DCHS2: variants seen among roughly 807,000 people sequenced by gnomAD.
DCHS2 encodes the protein dachsous cadherin-related 2.
Under a neutral mutation model 182.4 loss-of-function variants are expected in DCHS2, and 142 were observed. The observed-to-expected ratio is 0.78, with a 90% confidence interval of 0.68 to 0.89. The LOEUF (loss-of-function observed/expected upper bound fraction) is 0.89, where lower values mean the gene tolerates loss of function less well. Among genes scored for constraint, DCHS2 ranks in the 40% least tolerant of loss-of-function variants. The pLI, the probability that DCHS2 is intolerant of heterozygous loss-of-function variation, is 0.00. For missense variants in DCHS2, 4,319 were observed against 4,198.6 expected (o/e 1.03, Z -0.79); for synonymous variants, 1,740 against 1,663.3 (o/e 1.05, Z -1.12).
In DCHS2 at chr4:154,333,030, C is replaced by T. The variant is rs200145926; in HGVS notation, c.3178G>A (p.Val1060Met). The change falls in exon 5 of 20, where the codon GTG becomes ATG. Residue 1060 changes from valine to methionine, a missense_variant. Transcript: ENST00000357232. Reference sequence around the variant, plus strand: ...ACCAGCAGGGCTGCCTGAGGATGCACGCCTTGGTCCTCGGCCCTGAGAGTC... The same window carrying T: ...ACCAGCAGGGCTGCCTGAGGATGCATGCCTTGGTCCTCGGCCCTGAGAGTC... ...TLTLRAEDQGVHPQAALLVLT... is the reference protein window; with the variant it reads ...TLTLRAEDQGMHPQAALLVLT... 1 of 1,614,134 alleles carries T rather than the reference C, an allele frequency of 6.2e-7. No individual in the cohort carries two copies. Among genetic ancestry groups the T allele is most frequent in the Non-Finnish European group, 8.5e-7 (1 of 1,179,994 alleles).
chr4:154,489,757 A>T lies in DCHS2; in HGVS notation c.1599T>A (p.Asn533Lys). The T allele has an allele frequency of 6.4e-7, 1 of 1,551,474 alleles. No homozygotes were observed. Among genetic ancestry groups the T allele is most frequent in the Non-Finnish European group, 8.7e-7 (1 of 1,146,906 alleles). The change falls in exon 1 of 20, where the codon AAT (asparagine) becomes AAA (lysine). Residue 533 changes from asparagine to lysine, a missense_variant. Asn to Lys is a moderately conservative substitution (Grantham distance 94). Coordinates refer to ENST00000357232, the MANE Select transcript of DCHS2 (RefSeq NM_001358235.2). ...GTTGGCTGAAGAGAGGTGGTTGGTC[A>T]TTGAGGTCAGCGACCCGGAGTAGCA... is the stretch of plus-strand genomic sequence containing the variant. The part of the protein sequence containing the change: ...ETLLLRVADL[N>K]DQPPLFSQQH...
intron 7 of DCHS2, 59 bp from the exon 8 acceptor site, chr4:154,322,547 T>A: frequency 6.6e-7 from 1 of 1,521,616 alleles, no homozygotes; most frequent in South Asian, 1.3e-5. Context: ...AAACAGAAAA[T>A]CAATTAATCC....
At position 154,380,665 on chromosome 4, in the gene DCHS2, C is replaced by G. The variant is rs76878702; in HGVS notation, c.2053-3221G>C. On this transcript the variant is annotated intron_variant, in intron 1 of 19. Coordinates refer to ENST00000357232, the MANE Select transcript of DCHS2 (RefSeq NM_001358235.2). The stretch of plus-strand genomic sequence containing the variant: ...TTTGGCAAAGCAAAATGTAAGGAGA[C>G]AAAAGTAGGATAAAAGTATTGATCT... Among the ~76,000 whole-genome samples the G allele has an allele frequency of 1.5e-3, 221 of 152,168 alleles. 6 individuals are homozygous for G. In the East Asian group the frequency reaches 0.033, roughly 23 times the overall value.
intron 13 of DCHS2, among the ~76,000 whole-genome samples, chr4:154,270,529 G>A (rs1345790396): frequency 6.6e-6 from 1 of 151,858 alleles, no homozygotes; most frequent in Non-Finnish European, 1.5e-5. Context: ...AGGTGGAGAT[G>A]GCAGGATAAG....
chr4:154,448,923 A>G (rs1202646897), intron 1 of DCHS2, among the ~76,000 whole-genome samples: 2 of 152,168 alleles, frequency 1.3e-5, no homozygotes, highest in Admixed American at 6.5e-5. Context: ...ACTTACTGAT[A>G]TTTAAATGCA....
chr4:154,429,370 G>T (rs1043665688), intron 1 of DCHS2, among the ~76,000 whole-genome samples: 1 of 152,200 alleles, frequency 6.6e-6, no homozygotes, highest in South Asian at 2.1e-4. Flanking sequence ...TTGATGGGAC[G>T]CCAAGTCCTA....
intron 15 of DCHS2, among the ~76,000 whole-genome samples, chr4:154,258,485 C>T (rs1026708442): frequency 7.3e-6 from 1 of 137,382 alleles, no homozygotes; most frequent in Non-Finnish European, 1.5e-5. Flanking sequence ...TCAAGCAATT[C>T]TCCTGCCTCA....
intron 16 of DCHS2, among the ~76,000 whole-genome samples, chr4:154,250,944 T>G (rs1732321334): frequency 6.6e-6 from 1 of 152,266 alleles, no homozygotes; most frequent in South Asian, 2.1e-4. Context: ...ACTTAGTTGC[T>G]TCTTTGGTGT....
intron 13 of DCHS2, among the ~76,000 whole-genome samples, chr4:154,278,443 G>T (rs2111227464): frequency 6.6e-6 from 1 of 151,996 alleles, no homozygotes; most frequent in Non-Finnish European, 1.5e-5. Flanking sequence ...AGGAAAATGG[G>T]TAAAAAGCTT....
intron 19 of DCHS2, chr4:154,237,393 G>T: frequency 2.0e-6 from 1 of 499,302 alleles, no homozygotes; most frequent in South Asian, 6.5e-5. Flanking sequence ...TATGTGTGCT[G>T]CTTGAGGTTG....
intron 5 of DCHS2, chr4:154,331,604 G>A: frequency 6.2e-7 from 1 of 1,613,002 alleles, no homozygotes; most frequent in Non-Finnish European, 8.5e-7. Flanking sequence ...TCACAGAACA[G>A]AGACTTGAGA....
intron 1 of DCHS2, among the ~76,000 whole-genome samples, chr4:154,467,802 T>G (rs1735299597): frequency 1.3e-5 from 2 of 152,206 alleles, no homozygotes; most frequent in Non-Finnish European, 2.9e-5. Flanking sequence ...AAATCAGACT[T>G]GTTTAAAACA....
chr4:154,286,566 A>G (rs1734408319), intron 13 of DCHS2, among the ~76,000 whole-genome samples: 1 of 151,962 alleles, frequency 6.6e-6, no homozygotes, highest in African/African-American at 2.4e-5. Flanking sequence ...CAATTGACAT[A>G]CTTAAGAATG....
chr4:154,237,360 T>C (rs1731582056), intron 19 of DCHS2: 1 of 689,882 alleles, frequency 1.4e-6, no homozygotes, highest in South Asian at 3.7e-5. Context: ...AGAAATAATA[T>C]TCATGACATT....
At chr4:154,288,235 T>C (rs1441165409) in intron 13 of DCHS2, among the ~76,000 whole-genome samples, 1 of 152,070 alleles carries the variant, frequency 6.6e-6, no homozygotes. Flanking sequence ...TGGAAAAAGA[T>C]ACTCCATGCA....
intron 16 of DCHS2, among the ~76,000 whole-genome samples, chr4:154,253,192 A>AGTGTGTGT (rs945445954): frequency 3.5e-5 from 5 of 142,534 alleles, no homozygotes; most frequent in African/African-American, 1.3e-4. Flanking sequence ...AGAGAGAGAG[A>AGTGTGTGT]GTGTGTGTGT....
At chr4:154,292,252 G>C (rs1052265884) in intron 13 of DCHS2, among the ~76,000 whole-genome samples, 1 of 152,114 alleles carries the variant, frequency 6.6e-6, no homozygotes, top group Non-Finnish European at 1.5e-5. Context: ...TGATTCTTCA[G>C]GGTTCTTCAA....
At chr4:154,237,291 A>G (rs1405488844) in intron 19 of DCHS2, 132 bp from the exon 20 acceptor site, 1 of 1,163,074 alleles carries the variant, frequency 8.6e-7, no homozygotes, top group Non-Finnish European at 1.2e-6. Flanking sequence ...CACAATGAAC[A>G]ATGACTCCAA....
chr4:154,470,219 T>A (rs1306907877), intron 1 of DCHS2, among the ~76,000 whole-genome samples: 1 of 152,180 alleles, frequency 6.6e-6, no homozygotes, highest in African/African-American at 2.4e-5. Flanking sequence ...GGCTCATTCC[T>A]GTAATTCCAG....
Sources: allele counts gnomAD v4.1 joint callset (sites outside exome capture counted in the v4.1 genomes callset), GRCh38; gene constraint gnomAD v4.1.1; transcripts MANE v1.5; gene names NCBI Gene and HGNC (gene_info 2026-07-23, HGNC 2026-07-21).